Variants in SLC7A7 observed in about 807,000 individuals in gnomAD.
SLC7A7 encodes the protein solute carrier family 7 member 7, also known as Y+L amino acid transporter 1.
Under a neutral mutation model 47.9 loss-of-function variants are expected in SLC7A7, and 39 were observed. The ratio of observed to expected loss-of-function variants is 0.81; its 90% CI spans 0.63 to 1.06. SLC7A7 has a LOEUF of 1.06. Among genes scored for constraint, SLC7A7 ranks in the 50% least tolerant of loss-of-function variants. SLC7A7 has a pLI of 0.00. For missense variants in SLC7A7, 588 were observed against 632.0 expected, an observed-to-expected ratio of 0.93 and a Z score of 0.75; for synonymous variants, 234 against 242.8, an observed-to-expected ratio of 0.96 and a Z score of 0.34.
intron 2 of SLC7A7, among the ~76,000 whole-genome samples, chr14:22,803,551 G>A (rs1053386564): frequency 2.0e-5 from 3 of 152,234 alleles, no homozygotes; most frequent in East Asian, 1.9e-4. Context: ...ATCTGGAGAC[G>A]TGCCTTCCTT....
intron 2 of SLC7A7, among the ~76,000 whole-genome samples, chr14:22,789,445 C>G (rs1011742566): frequency 6.6e-6 from 1 of 151,968 alleles, no homozygotes; most frequent in Non-Finnish European, 1.5e-5. Context: ...CTAACCAACA[C>G]GGTGAAACCC....
intron 1 of SLC7A7, 122 bp from the exon 2 acceptor site, chr14:22,813,562 C>A: frequency 2.6e-6 from 2 of 755,682 alleles, no homozygotes; most frequent in Non-Finnish European, 2.2e-6. Flanking sequence ...TCCAAATAAC[C>A]TTTTCTCCAG....
intron 2 of SLC7A7, among the ~76,000 whole-genome samples, chr14:22,795,430 C>A (rs1250224839): frequency 3.1e-5 from 4 of 130,708 alleles, no homozygotes; most frequent in Non-Finnish European, 6.3e-5. Context: ...TTCTTTCTTT[C>A]TTTCTTTCTT....
At chr14:22,773,744 G>T (rs1173100404) in intron 9 of SLC7A7, 28 bp from the exon 10 acceptor site, 2 of 1,607,836 alleles carry the variant, frequency 1.2e-6, no homozygotes, top group Non-Finnish European at 1.7e-6. Context: ...AGTTGGAATT[G>T]AGAAGAGGTC....
intron 4 of SLC7A7, 92 bp downstream of exon 4, chr14:22,778,701 C>G: frequency 1.4e-6 from 2 of 1,396,036 alleles, no homozygotes; most frequent in Non-Finnish European, 2.0e-6. Flanking sequence ...AAATTAACCT[C>G]ATAGTGGTTG....
chr14:22,792,867 A>AGAG (rs2038946985), intron 2 of SLC7A7, among the ~76,000 whole-genome samples: 5 of 122,552 alleles, frequency 4.1e-5, no homozygotes, highest in South Asian at 2.9e-4. Context: ...CAAAGAAAGA[A>AGAG]AGAGAGAGAG....
At position 22,813,274 on chromosome 14, in the gene SLC7A7, C is replaced by T; in HGVS notation, c.125G>A (p.Gly42Asp). The T allele has an allele frequency of 1.9e-6, 3 of 1,614,158 alleles. No homozygotes were observed. The highest frequency in any genetic ancestry group is 2.5e-6 in the Non-Finnish European group (3 of 1,179,986). Residue 42 changes from glycine (G) to aspartate (D), a missense_variant, in exon 2 of 10, where the codon GGC (glycine) becomes GAC (aspartate). Coordinates refer to ENST00000674313, the MANE Select transcript of SLC7A7 (RefSeq NM_003982.4). Reference sequence around the variant, plus strand: ...CATGTTCCCCACAATCAGGCACACGCCGTTAAGCAGTGAGATCTCCTTCTT... The same window carrying T: ...CATGTTCCCCACAATCAGGCACACGTCGTTAAGCAGTGAGATCTCCTTCTT... ...KLKKEISLLN[G>D]VCLIVGNMIG...
At chr14:22,797,961 T>C (rs1277837126) in intron 2 of SLC7A7, among the ~76,000 whole-genome samples, 1 of 152,108 alleles carries the variant, frequency 6.6e-6, no homozygotes, top group Non-Finnish European at 1.5e-5. Flanking sequence ...GGTACAAATA[T>C]AGATCACATT....
rs1163513140 is a variant in SLC7A7, at chr14:22,774,898, A to C, written c.1096-395T>G. Among the ~76,000 whole-genome samples the C allele has an allele frequency of 2.6e-5, 4 of 152,322 alleles. 1 individual carries two copies. Among genetic ancestry groups the C allele is most frequent in the South Asian group, 4.1e-4 (2 of 4,824 alleles). On this transcript the variant is annotated intron_variant, in intron 7 of 9. Transcript: ENST00000674313. ...TTTGAGTGTCAAGTCAGCACTCAAA[A>C]AGTTTCAGATTTTTAGAGCATTTCA...
Position 22,813,225 on chromosome 14 carries a change from G to A in SLC7A7, c.174C>T (p.Ser58=), listed in dbSNP as rs1594986007. 1 of 1,613,968 alleles carries A rather than the reference G, an allele frequency of 6.2e-7. No individual in the cohort carries two copies. Among genetic ancestry groups the A allele is most frequent in the African/African-American group, 1.3e-5 (1 of 75,024 alleles). ...CACTGTATATGAGCACACCCTTGGGGGAAACAAAGATGCCCGAGCCGATCA... is the reference window on the plus strand; with the variant it reads ...CACTGTATATGAGCACACCCTTGGGAGAAACAAAGATGCCCGAGCCGATCA... ...GNMIGSGIFV[S]PKGVLIYSAS... is the part of the protein sequence containing the mutation. Residue 58 remains serine, a synonymous_variant, in exon 2 of 10, where the codon TCC becomes TCT. Transcript: ENST00000674313.
At chr14:22,804,377 A>T (rs974830078) in intron 2 of SLC7A7, among the ~76,000 whole-genome samples, 1 of 152,210 alleles carries the variant, frequency 6.6e-6, no homozygotes, top group Non-Finnish European at 1.5e-5. Context: ...TTATTAAACT[A>T]AAGAGCTTCT....
At chr14:22,805,390 T>A (rs1398407897) in intron 2 of SLC7A7, among the ~76,000 whole-genome samples, 1 of 151,822 alleles carries the variant, frequency 6.6e-6, no homozygotes, top group African/African-American at 2.4e-5. Flanking sequence ...GTACGGCAAG[T>A]AAGAAAATGT....
At chr14:22,783,598 G>A (rs984582698) in intron 2 of SLC7A7, among the ~76,000 whole-genome samples, 1 of 151,308 alleles carries the variant, frequency 6.6e-6, no homozygotes, top group Non-Finnish European at 1.5e-5. Context: ...ACAGGGTTTC[G>A]CCATGTTAGC....
At chr14:22,782,502 C>A (rs771416644) in intron 2 of SLC7A7, among the ~76,000 whole-genome samples, 2 of 151,472 alleles carry the variant, frequency 1.3e-5, no homozygotes, top group Non-Finnish European at 2.9e-5. Context: ...TGCTCTGTCA[C>A]CCAGGCTGAA....
chr14:22,795,823 C>T (rs1156236716), intron 2 of SLC7A7, among the ~76,000 whole-genome samples: 1 of 152,082 alleles, frequency 6.6e-6, no homozygotes, highest in Admixed American at 6.6e-5. Context: ...GAGTTAGGAC[C>T]CACTGCTGCC....
At chr14:22,801,849 C>T (rs910206540) in intron 2 of SLC7A7, among the ~76,000 whole-genome samples, 12 of 152,218 alleles carry the variant, frequency 7.9e-5, no homozygotes, top group Admixed American at 7.2e-4. Context: ...TGCATGCGGT[C>T]ACACACACCC....
intron 2 of SLC7A7, 48 bp downstream of exon 2, chr14:22,812,852 C>G (rs938145943): frequency 9.5e-6 from 15 of 1,584,332 alleles, no homozygotes; most frequent in Middle Eastern, 1.9e-4. Flanking sequence ...CACATCCCAG[C>G]CTCTGTCCAG....
chr14:22,787,056 T>C (rs891102155), intron 2 of SLC7A7, among the ~76,000 whole-genome samples: 8 of 152,230 alleles, frequency 5.3e-5, no homozygotes, highest in Non-Finnish European at 4.4e-5. Context: ...TTCTTCATTT[T>C]ATTAGTTCAA....
intron 2 of SLC7A7, among the ~76,000 whole-genome samples, chr14:22,811,844 C>CAAAAAAA (rs57356836): frequency 8.0e-6 from 1 of 125,182 alleles, no homozygotes. Context: ...GACTCTATCT[C>CAAAAAAA]AAAAAAAAAA....
Sources: gnomAD v4.1 joint callset for allele counts (sites outside exome capture counted in the v4.1 genomes callset) on GRCh38, gnomAD v4.1.1 for gene constraint, MANE v1.5 for transcripts, NCBI Gene and HGNC (gene_info 2026-07-23, HGNC 2026-07-21) for gene names.